NCR1: variants seen among roughly 807,000 people sequenced by gnomAD.
NCR1 encodes the protein natural cytotoxicity triggering receptor 1, also known as NK cell-activating receptor.
Under a neutral mutation model 32.5 loss-of-function variants are expected in NCR1, and 30 were observed. The ratio of observed to expected loss-of-function variants is 0.92; its 90% CI spans 0.69 to 1.25. NCR1 has a LOEUF of 1.25. NCR1 is among the 50% of genes most tolerant of loss of function. The pLI is 0.00. For missense variants in NCR1, 369 were observed against 380.7 expected, an observed-to-expected ratio of 0.97 and a Z score of 0.26; for synonymous variants, 169 against 143.4, an observed-to-expected ratio of 1.18 and a Z score of -1.28.
At chr19:54,919,721 C>A (rs1399267775), downstream of NCR1, among the ~76,000 whole-genome samples, 3 of 147,086 alleles carry the variant, frequency 2.0e-5, no homozygotes, top group East Asian at 2.2e-4. Flanking sequence ...GAGACCCCCC[C>A]CCCCACCCGC....
At chr19:54,933,560 G>C in the NCR1 span, 2 of 1,614,070 alleles carry the variant, frequency 1.2e-6, no homozygotes, top group Non-Finnish European at 1.7e-6. Flanking sequence ...ACACCCAGCA[G>C]GGACTTACAC....
chr19:54,928,549 TTAAAA>T, the NCR1 span, among the ~76,000 whole-genome samples: 1 of 152,080 alleles, frequency 6.6e-6, no homozygotes, highest in African/African-American at 2.4e-5. Context: ...GATGATGGTA[TTAAAA>T]TAAACAGGGT....
chr19:54,902,839 A>G (rs1418100466), upstream of NCR1, among the ~76,000 whole-genome samples: 1 of 130,080 alleles, frequency 7.7e-6, no homozygotes, highest in Non-Finnish European at 1.6e-5. Flanking sequence ...AGTAAATAAG[A>G]AGGAGGCGGG....
At position 54,906,509 on chromosome 19, in the gene NCR1, T is replaced by A; in HGVS notation, c.71-14T>A. The stretch of plus-strand genomic sequence containing the variant: ...GGGGCTCCGCTGGAACTCCAGCCTC[T>A]GATTCCCTTCCAGAGACTCTCCCAA... On this transcript the variant is annotated splice_polypyrimidine_tract_variant and intron_variant, in intron 2 of 6. Transcript: ENST00000291890. The A allele has an allele frequency of 6.2e-7, 1 of 1,603,242 alleles. No individual in the cohort carries two copies. The highest frequency in any genetic ancestry group is 8.5e-7 in the Non-Finnish European group (1 of 1,179,180).
chr19:54,903,302 G>A (rs759162197), upstream of NCR1, among the ~76,000 whole-genome samples: 19 of 140,244 alleles, frequency 1.4e-4, 2 homozygotes, highest in African/African-American at 3.0e-4. Flanking sequence ...ACACATATAC[G>A]TATATGTATA....
the NCR1 span, among the ~76,000 whole-genome samples, chr19:54,900,912 T>C: frequency 6.6e-6 from 1 of 151,906 alleles, no homozygotes; most frequent in African/African-American, 2.4e-5. Context: ...TACCACAAAA[T>C]TTAAACCATT....
downstream of NCR1, among the ~76,000 whole-genome samples, chr19:54,914,101 C>A (rs552636633): frequency 3.3e-5 from 5 of 150,148 alleles, no homozygotes; most frequent in Admixed American, 3.3e-4. Context: ...ATAAGTGACT[C>A]CTGGCTGCAT....
chr19:54,900,750 T>C, the NCR1 span, among the ~76,000 whole-genome samples: 1 of 152,094 alleles, frequency 6.6e-6, no homozygotes, highest in African/African-American at 2.4e-5. Flanking sequence ...AAGTACCTTC[T>C]GGTGTTTAGA....
At chr19:54,910,156 G>C in intron 5 of NCR1, 91 bp downstream of exon 5, 1 of 1,319,762 alleles carries the variant, frequency 7.6e-7, no homozygotes, top group East Asian at 2.3e-5. Flanking sequence ...ATTCATCGAG[G>C]CCAGGCGTGG....
At chr19:54,937,044 C>T in the NCR1 span, among the ~76,000 whole-genome samples, 3 of 151,758 alleles carry the variant, frequency 2.0e-5, no homozygotes, top group Non-Finnish European at 4.4e-5. Context: ...CGGTGAAACC[C>T]CGTCTTTACT....
At chr19:54,936,351 G>A in the NCR1 span, 16 of 1,613,912 alleles carry the variant, frequency 9.9e-6, no homozygotes, top group South Asian at 1.4e-4. Context: ...CCCTGCCAGG[G>A]TCAGGTGCGT....
the NCR1 span, among the ~76,000 whole-genome samples, chr19:54,931,685 C>CA: frequency 5.4e-3 from 699 of 129,720 alleles, 7 homozygotes; most frequent in Non-Finnish European, 7.7e-3. Context: ...AACTCCATCT[C>CA]AAAAAAAAAA....
chr19:54,902,652 C>G (rs145791090), upstream of NCR1, among the ~76,000 whole-genome samples: 1 of 152,082 alleles, frequency 6.6e-6, no homozygotes, highest in Non-Finnish European at 1.5e-5. Context: ...TCTTATATTT[C>G]TTTGGTGAAG....
At chr19:54,909,215 C>T (rs768935581) in intron 3 of NCR1, 30 bp from the exon 4 acceptor site, 2 of 1,590,304 alleles carry the variant, frequency 1.3e-6, no homozygotes, top group Admixed American at 3.4e-5. Context: ...CACTGAGTTT[C>T]TGGTGTGGTG....
chr19:54,927,553 C>A, the NCR1 span: 1 of 1,565,748 alleles, frequency 6.4e-7, no homozygotes, highest in South Asian at 1.1e-5. Flanking sequence ...ACGACTCCAT[C>A]TCAAAAAAAC....
At chr19:54,909,991 C>CT (rs756554493) in intron 4 of NCR1, 27 bp from the exon 5 acceptor site, 12 of 1,411,758 alleles carry the variant, frequency 8.5e-6, no homozygotes, top group East Asian at 5.1e-5. Flanking sequence ...AAAACCCTTA[C>CT]TTTTTTTTCT....
chr19:54,935,069 AC>A, the NCR1 span, among the ~76,000 whole-genome samples: 2 of 151,974 alleles, frequency 1.3e-5, no homozygotes, highest in Non-Finnish European at 2.9e-5. Flanking sequence ...CATGCCTCCA[AC>A]CCTGGCCTGA....
chr19:54,926,101 T>C, the NCR1 span, among the ~76,000 whole-genome samples: 1 of 151,922 alleles, frequency 6.6e-6, no homozygotes, highest in African/African-American at 2.4e-5. Context: ...ATTGAAAAGA[T>C]ATACACGGGT....
chr19:54,907,059 G>C (rs1452290808), intron 3 of NCR1, among the ~76,000 whole-genome samples: 1 of 152,016 alleles, frequency 6.6e-6, no homozygotes, highest in African/African-American at 2.4e-5. Flanking sequence ...TGTATGCAGG[G>C]GTATGACTGA....
Sources: allele counts gnomAD v4.1 joint callset (sites outside exome capture counted in the v4.1 genomes callset), GRCh38; gene constraint gnomAD v4.1.1; transcripts MANE v1.5; gene names NCBI Gene and HGNC (gene_info 2026-07-23, HGNC 2026-07-21).